VPS53: variants seen among roughly 807,000 people sequenced by gnomAD.
VPS53 encodes vacuolar protein sorting-associated protein 53 homolog.
Under a neutral mutation model 107.0 loss-of-function variants are expected in VPS53, and 70 were observed. That is an observed-to-expected ratio of 0.65 (90% CI 0.54 to 0.80). VPS53 has a LOEUF of 0.80. VPS53 is among the 30% of genes least tolerant of loss of function. The pLI, the probability that VPS53 is intolerant of heterozygous loss-of-function variation, is 0.00. For missense variants in VPS53, 917 were observed against 1,049.4 expected (o/e 0.87, Z 1.74); for synonymous variants, 409 against 393.3 (o/e 1.04, Z -0.47).
chr17:618,894 C>G (rs888635887), intron 11 of VPS53, among the ~76,000 whole-genome samples: 2 of 150,342 alleles, frequency 1.3e-5, no homozygotes, highest in Admixed American at 1.3e-4. Context: ...GCGCCCACCA[C>G]GCCTGCTAAT....
At chr17:573,395 G>A (rs1914339807) in intron 13 of VPS53, among the ~76,000 whole-genome samples, 1 of 152,244 alleles carries the variant, frequency 6.6e-6, no homozygotes. Context: ...TCCTCCCTGA[G>A]TACTGGCTCT....
At chr17:531,942 ATTGTTTTTT>A (rs1909603040) in intron 19 of VPS53, 1 of 90,346 alleles carries the variant, frequency 1.1e-5, no homozygotes. Flanking sequence ...CGCCTGGCTA[ATTGTTTTTT>A]TTTTTTTTTT....
intron 7 of VPS53, among the ~76,000 whole-genome samples, chr17:637,832 TC>T (rs1970259990): frequency 6.6e-6 from 1 of 152,230 alleles, no homozygotes; most frequent in East Asian, 1.9e-4. Context: ...ATGCTTTACT[TC>T]CAACTATGTG....
At position 690,159 on chromosome 17, in the gene VPS53, G is replaced by A. The variant is rs185298335; in HGVS notation, c.285+7259C>T. The stretch of plus-strand genomic sequence containing the variant: ...AGGCATGTCTGGCAAATCTGCTAAT[G>A]ATAAAGTGGGGAGGTCATCAAGGCT... On this transcript the variant is annotated intron_variant, in intron 4 of 21. Transcript: ENST00000437048. Among the ~76,000 whole-genome samples the A allele has an allele frequency of 9.7e-4, 148 of 152,288 alleles. 1 individual carries two copies. The highest frequency in any genetic ancestry group is 3.3e-3 in the African/African-American group (138 of 41,558).
At chr17:530,252 C>T (rs1909436518) in intron 19 of VPS53, among the ~76,000 whole-genome samples, 1 of 150,050 alleles carries the variant, frequency 6.7e-6, no homozygotes. Flanking sequence ...CTCCCAGGTT[C>T]AAGCAATTCT....
intron 13 of VPS53, among the ~76,000 whole-genome samples, chr17:568,965 C>G (rs1021038784): frequency 6.6e-6 from 1 of 152,204 alleles, no homozygotes; most frequent in Non-Finnish European, 1.5e-5. Flanking sequence ...TTTCTTAGCT[C>G]TCTCAGCCAA....
intron 15 of VPS53, among the ~76,000 whole-genome samples, chr17:556,295 G>A (rs920148604): frequency 3.3e-5 from 5 of 152,008 alleles, no homozygotes; most frequent in Non-Finnish European, 2.9e-5. Context: ...AAAAGAATCT[G>A]AGCAACAAGG....
intron 13 of VPS53, among the ~76,000 whole-genome samples, chr17:583,344 A>T (rs989614044): frequency 1.3e-5 from 2 of 150,664 alleles, no homozygotes; most frequent in African/African-American, 4.9e-5. Context: ...AACCTCCCTC[A>T]GAACCTCAAT....
At chr17:643,206 A>AAC (rs1970516495) in intron 7 of VPS53, among the ~76,000 whole-genome samples, 1 of 48,516 alleles carries the variant, frequency 2.1e-5, no homozygotes, top group Non-Finnish European at 4.5e-5. Flanking sequence ...CATACTTGGC[A>AAC]ACTGAGGACA....
intron 17 of VPS53, chr17:537,861 T>C (rs1260771261): frequency 6.6e-6 from 1 of 152,050 alleles, no homozygotes; most frequent in East Asian, 1.9e-4. Flanking sequence ...GTGTAGAATC[T>C]TACACTCCTA....
intron 12 of VPS53, among the ~76,000 whole-genome samples, chr17:593,478 C>A (rs1967785055): frequency 2.0e-5 from 3 of 152,028 alleles, no homozygotes; most frequent in Non-Finnish European, 4.4e-5. Flanking sequence ...AACAAACAGC[C>A]CCATCAAAAA....
chr17:587,278 G>C (rs1038913738), intron 12 of VPS53, among the ~76,000 whole-genome samples: 3 of 152,162 alleles, frequency 2.0e-5, no homozygotes, highest in Non-Finnish European at 4.4e-5. Context: ...GGCCAGGCTA[G>C]TCTCGAACTC....
At chr17:636,804 C>T (rs970567641) in intron 7 of VPS53, among the ~76,000 whole-genome samples, 1 of 152,190 alleles carries the variant, frequency 6.6e-6, no homozygotes, top group South Asian at 2.1e-4. Flanking sequence ...TGATGTGCTG[C>T]TGGATTTGGT....
rs368919767 is a variant in VPS53, at chr17:566,525, T to A, written c.1314-3780A>T. On this transcript the variant is annotated intron_variant, in intron 13 of 21. Coordinates refer to ENST00000437048, the MANE Select transcript of VPS53 (RefSeq NM_001128159.3). ...TTCATGCTAGTGCTCGATACATACT[T>A]ACCTGATCAACCTCCACACTTTGTT... Among the ~76,000 whole-genome samples, 48 of 152,256 alleles carry A rather than the reference T, an allele frequency of 3.2e-4. No individual in the cohort carries two copies. In the Middle Eastern group the frequency reaches 0.017, roughly 54 times the overall value.
At chr17:566,461 C>G (rs1055014910) in intron 13 of VPS53, among the ~76,000 whole-genome samples, 3 of 152,228 alleles carry the variant, frequency 2.0e-5, no homozygotes, top group East Asian at 1.9e-4. Flanking sequence ...GGTTCTGCTG[C>G]CCCCGGCCCG....
At chr17:539,865 T>C (rs559730276) in intron 17 of VPS53, among the ~76,000 whole-genome samples, 15 of 152,266 alleles carry the variant, frequency 9.9e-5, no homozygotes, top group African/African-American at 3.4e-4. Flanking sequence ...GATGAGGAAA[T>C]TCAAAAAGCT....
intron 8 of VPS53, among the ~76,000 whole-genome samples, chr17:629,069 A>G (rs1969834520): frequency 6.6e-6 from 1 of 152,224 alleles, no homozygotes; most frequent in South Asian, 2.1e-4. Context: ...ACCTCATATG[A>G]AAAATAATAG....
chr17:697,957 A>C (rs1031761022), intron 3 of VPS53, among the ~76,000 whole-genome samples: 1 of 152,154 alleles, frequency 6.6e-6, no homozygotes, highest in Non-Finnish European at 1.5e-5. Flanking sequence ...TACGGCTTCC[A>C]GCTCCTCTGC....
At chr17:691,807 C>T (rs1972785184) in intron 4 of VPS53, among the ~76,000 whole-genome samples, 1 of 152,172 alleles carries the variant, frequency 6.6e-6, no homozygotes, top group Non-Finnish European at 1.5e-5. Flanking sequence ...TGCTGGCATA[C>T]TGTCATAATT....
Sources: gnomAD v4.1 joint callset for allele counts (sites outside exome capture counted in the v4.1 genomes callset) on GRCh38, gnomAD v4.1.1 for gene constraint, MANE v1.5 for transcripts, NCBI Gene and HGNC (gene_info 2026-07-23, HGNC 2026-07-21) for gene names.